Variants in CSRP3 observed in about 807,000 individuals in gnomAD.
CSRP3 encodes cysteine and glycine-rich protein 3.
A neutral mutation model predicts 24.3 loss-of-function variants in CSRP3; 24 were observed. The ratio of observed to expected loss-of-function variants is 0.99; its 90% CI spans 0.71 to 1.39. The LOEUF is 1.39. Among genes scored for constraint, CSRP3 ranks in the 40% most tolerant of loss-of-function variants. CSRP3 has a pLI of 0.00. For synonymous variants in CSRP3, 105 were observed against 94.0 expected (o/e 1.12, Z -0.68); for missense variants, 240 against 249.0 (o/e 0.96, Z 0.24).
chr11:19,187,460 C>A (rs1269951236), intron 3 of CSRP3, among the ~76,000 whole-genome samples: 1 of 152,202 alleles, frequency 6.6e-6, no homozygotes, highest in Admixed American at 6.5e-5. Flanking sequence ...TAGTGTCAGG[C>A]CAGTGGCCAT....
chr11:19,188,113 G>T (rs774758061), intron 3 of CSRP3, 23 bp downstream of exon 3: 9 of 1,613,954 alleles, frequency 5.6e-6, no homozygotes, highest in Middle Eastern at 1.6e-4. Flanking sequence ...TAACAGGCAA[G>T]GGGGAGCAGG....
Position 19,182,279 on chromosome 11 carries a change from G to A in CSRP3, c.*391C>T, listed in dbSNP as rs184669824. 9.9e-5 allele frequency: 19 copies of A among 192,248 alleles called. No homozygotes were observed. Among genetic ancestry groups the A allele is most frequent in the Admixed American group, 8.0e-4 (15 of 18,764 alleles). 11.9% of individuals were successfully genotyped at this position (192,248 alleles called of 1,614,324 possible). On this transcript the variant is annotated 3_prime_UTR_variant, in exon 6 of 6. Transcript: ENST00000265968. The stretch of plus-strand genomic sequence containing the variant: ...ATTCTGAAAGACTGCTTTCCTTTGC[G>A]CATTGTTTCTTCCTTCTCACTCCTT...
chr11:19,197,527 CTTTCTTTCTTT>C (rs1590108931), intron 1 of CSRP3, among the ~76,000 whole-genome samples: 1 of 126,766 alleles, frequency 7.9e-6, no homozygotes, highest in Admixed American at 8.2e-5. Flanking sequence ...TTCTTTCTTT[CTTTCTTTCTTT>C]CTTTCTTTCT....
At position 19,182,599 on chromosome 11, in the gene CSRP3, G is replaced by T; in HGVS notation, c.*71C>A. 2 of 1,213,138 alleles carry T rather than the reference G, an allele frequency of 1.6e-6. No individual in the cohort carries two copies. Among genetic ancestry groups the T allele is most frequent in the Non-Finnish European group, 1.2e-6 (1 of 813,778 alleles). 75.1% of individuals were successfully genotyped at this position (1,213,138 alleles called of 1,614,324 possible). On this transcript the variant is annotated 3_prime_UTR_variant, in exon 6 of 6. Coordinates refer to ENST00000265968, the MANE Select transcript of CSRP3 (RefSeq NM_003476.5). ...CAAAGGAGAGGCTATTTGGGGAAAGGTATCGATCTGTGCAGGATTACTTGG... is the reference window on the plus strand; with the variant it reads ...CAAAGGAGAGGCTATTTGGGGAAAGTTATCGATCTGTGCAGGATTACTTGG...
At position 19,189,110 on chromosome 11, in the gene CSRP3, T is replaced by A. The variant is rs79690364; in HGVS notation, c.113-806A>T. 9.6e-3 allele frequency among the ~76,000 whole-genome samples: 1,468 copies of A among 152,336 alleles called. 8 individuals carry two copies. Among genetic ancestry groups the A allele is most frequent in the Non-Finnish European group, 0.016 (1,113 of 68,042 alleles). On this transcript the variant is annotated intron_variant, in intron 2 of 5. Transcript: ENST00000265968. ...ATTTGGAAAGGTTACTTTTTTCTAA[T>A]CCCACATAAATTTGGGGAATAATTA...
rs45582138 is a variant in CSRP3 at position 19,188,058 on chromosome 11, C to T, written c.281+78G>A. On this transcript the variant is annotated intron_variant, in intron 3 of 5. Transcript: ENST00000265968. ...AGTCCATTCTCCCACTTCCAGAAAA[C>T]GTTGCTATGGGAACGAAATGAACTG... is the stretch of plus-strand genomic sequence containing the variant. 1,889 of 1,565,862 alleles carry T rather than the reference C, an allele frequency of 1.2e-3. 14 individuals carry two copies. The African/African-American group carries it at 0.023, about 19-fold the overall frequency.
At chr11:19,190,710 C>T (rs762432579) in intron 2 of CSRP3, among the ~76,000 whole-genome samples, 14 of 152,192 alleles carry the variant, frequency 9.2e-5, no homozygotes, top group South Asian at 2.1e-4. Flanking sequence ...CGTCTCTGAA[C>T]GCCTTTTCCA....
At chr11:19,189,956 A>G (rs1182661676) in intron 2 of CSRP3, among the ~76,000 whole-genome samples, 1 of 152,226 alleles carries the variant, frequency 6.6e-6, no homozygotes, top group Non-Finnish European at 1.5e-5. Flanking sequence ...ACCAACCTCC[A>G]CAACAACTGC....
In CSRP3 at chr11:19,186,337, G is replaced by T; in HGVS notation, c.293C>A (p.Pro98Gln). 1.2e-6 allele frequency: 2 copies of T among 1,614,206 alleles called. No homozygotes were observed. The highest frequency in any genetic ancestry group is 2.2e-5 in the South Asian group (2 of 91,080). Residue 98 changes from proline (P) to glutamine (Q), a missense_variant, in exon 4 of 6, where the codon CCG becomes CAG. By Grantham distance (76) the Pro-to-Gln change is moderately conservative. Transcript: ENST00000265968. The stretch of plus-strand genomic sequence containing the variant: ...GTTGCTGGTGGTAACTGAGCGTGCC[G>T]GCTTTGGGGACCTGTTGGAAATAGA... ...LGLQFQQSPK[P>Q]ARSVTTSNPS...
rs869090928 is a variant in CSRP3, at chr11:19,197,388, CCCTTCCTTCCTTCCTT to C, written c.-29+4550_-29+4565del. Among the ~76,000 whole-genome samples, 60 of 10,850 alleles carry C rather than the reference CCCTTCCTTCCTTCCTT, an allele frequency of 5.5e-3. 3 individuals carry two copies. Among genetic ancestry groups the C allele is most frequent in the African/African-American group, 0.014 (48 of 3,338 alleles). The allele number at this position is 10,850 out of a possible 152,430, so 7.1% of individuals were successfully genotyped here. On this transcript the variant is annotated intron_variant, in intron 1 of 5. Coordinates refer to ENST00000265968, the MANE Select transcript of CSRP3 (RefSeq NM_003476.5). ...TCCCTCCCTCCCTCCCTCCCTCCCT[CCCTTCCTTCCTTCCTT>C]CCTTCCTTCCTTCCTTCCTTCCTTC...
intron 3 of CSRP3, among the ~76,000 whole-genome samples, chr11:19,187,733 G>A (rs1180402536): frequency 6.6e-6 from 1 of 152,164 alleles, no homozygotes; most frequent in Non-Finnish European, 1.5e-5. Context: ...ACAATCCAAG[G>A]GAAGAAATCT....
rs1850449675 is a variant in CSRP3 at position 19,182,365 on chromosome 11, GT to G, written c.*304del. On this transcript the variant is annotated 3_prime_UTR_variant, in exon 6 of 6. Transcript: ENST00000265968. ...AACTCGTTTTTTGAACTAGCTTTAT[GT>G]TTTTGAAAATTTCTATCTCAAAGAA... The G allele has an allele frequency of 2.7e-6, 1 of 364,990 alleles. No individual in the cohort carries two copies. Among genetic ancestry groups the G allele is most frequent in the African/African-American group, 2.0e-5 (1 of 49,460 alleles). 22.6% of individuals were successfully genotyped at this position (364,990 alleles called of 1,614,324 possible). A position where few individuals can be genotyped will look rare whatever the true frequency, so the allele number is the denominator to read the frequency against.
intron 1 of CSRP3, among the ~76,000 whole-genome samples, chr11:19,197,451 T>C (rs2133523641): frequency 6.8e-6 from 1 of 146,014 alleles, no homozygotes; most frequent in South Asian, 2.3e-4. Flanking sequence ...CCATCCTTTT[T>C]CCTTTCCTTC....
intron 1 of CSRP3, among the ~76,000 whole-genome samples, chr11:19,196,428 A>AT (rs1266519677): frequency 6.6e-6 from 1 of 152,112 alleles, no homozygotes. Flanking sequence ...TTGAGAAATT[A>AT]TTTTTTCCCA....
intron 2 of CSRP3, among the ~76,000 whole-genome samples, chr11:19,191,919 C>T (rs1226292810): frequency 6.6e-6 from 1 of 152,232 alleles, no homozygotes; most frequent in African/African-American, 2.4e-5. Flanking sequence ...AGACCAGTCA[C>T]AGCTGGCTTC....
intron 1 of CSRP3, 42 bp downstream of exon 1, chr11:19,201,912 C>G (rs953184902): frequency 6.6e-6 from 1 of 152,588 alleles, no homozygotes; most frequent in African/African-American, 2.4e-5. Flanking sequence ...AGCCACAGAA[C>G]CAACCCACCT....
intron 5 of CSRP3, among the ~76,000 whole-genome samples, chr11:19,182,955 G>C (rs945762490): frequency 2.6e-5 from 4 of 152,134 alleles, no homozygotes; most frequent in Non-Finnish European, 4.4e-5. Flanking sequence ...TCGGGAGTTT[G>C]AGACCAGCCT....
At chr11:19,183,160 G>GATTAAA (rs1554967297) in intron 5 of CSRP3, among the ~76,000 whole-genome samples, 5 of 37,460 alleles carry the variant, frequency 1.3e-4, no homozygotes, top group Non-Finnish European at 2.9e-4. Context: ...TCCGTCTCAA[G>GATTAAA]AATAAAAATA....
chr11:19,200,681 G>A (rs996244196), intron 1 of CSRP3, among the ~76,000 whole-genome samples: 5 of 152,312 alleles, frequency 3.3e-5, no homozygotes, highest in African/African-American at 7.2e-5. Flanking sequence ...GACCACAAAC[G>A]ACTGAGTTGT....
Sources: gnomAD v4.1 joint callset for allele counts (sites outside exome capture counted in the v4.1 genomes callset) on GRCh38, gnomAD v4.1.1 for gene constraint, MANE v1.5 for transcripts, NCBI Gene and HGNC (gene_info 2026-07-23, HGNC 2026-07-21) for gene names.